The following DMAP1 variants were observed in gnomAD, a reference collection of about 807,000 sequenced individuals.
DMAP1 encodes DNA methyltransferase 1 associated protein 1.
DMAP1 carries 26 observed loss-of-function variants against 52.7 expected under a neutral mutation model. The observed-to-expected ratio is 0.49, with a 90% confidence interval of 0.36 to 0.68. DMAP1 has a LOEUF of 0.68. DMAP1 is among the 30% of genes least tolerant of loss of function. DMAP1 has a pLI of 0.00. For missense variants in DMAP1, 439 were observed against 625.2 expected, an observed-to-expected ratio of 0.70 and a Z score of 3.18; for synonymous variants, 231 against 246.0, an observed-to-expected ratio of 0.94 and a Z score of 0.57.
rs775360259 is a variant in DMAP1, at chr1:44,218,591, C to T, written c.556C>T (p.Arg186Cys). The part of the protein sequence containing the change: ...DRYDHQQFKK[R>C]SVEDLKERYY... ...TCTACCCTGTCTTGCTCCTCAGAAG[C>T]GTTCTGTGGAAGACCTGAAGGAGCG... Residue 186 changes from arginine to cysteine, a missense_variant, in exon 5 of 10, where the codon CGT becomes TGT. Physicochemically the swap from Arg to Cys is radical, Grantham distance 180. This residue lies in a region of DMAP1 where 142 missense variants were observed against 149.5 expected (regional missense o/e 0.95). Coordinates refer to ENST00000372289, the MANE Select transcript of DMAP1 (RefSeq NM_019100.5). The surrounding 1 kb of genome is among the most constrained non-coding windows in gnomAD (Gnocchi z 5.6). The T allele has an allele frequency of 6.8e-6, 11 of 1,609,828 alleles. No homozygotes were observed. The highest frequency in any genetic ancestry group is 2.2e-5 in the South Asian group (2 of 90,912).
At chr1:44,214,628 C>G (rs572511859) in intron 2 of DMAP1, 75 bp from the exon 3 acceptor site, 1 of 1,613,426 alleles carries the variant, frequency 6.2e-7, no homozygotes, top group Non-Finnish European at 8.5e-7. Context: ...TAGGGTAGAT[C>G]AGCTCCCTGG....
Position 44,213,975 on chromosome 1 carries a change from G to A in DMAP1, c.105+117G>A, listed in dbSNP as rs1483707714. The stretch of plus-strand genomic sequence containing the variant: ...TACAGTGAGTTGGGCGATAAAAGGG[G>A]TGACATAACAGGACAGGGAATATGT... On this transcript the variant is annotated intron_variant, in intron 1 of 9. Coordinates refer to ENST00000372289, the MANE Select transcript of DMAP1 (RefSeq NM_019100.5). The surrounding 1 kb of genome is among the most constrained non-coding windows in gnomAD (Gnocchi z 4.5). 4.3e-6 allele frequency: 4 copies of A among 924,024 alleles called. No homozygotes were observed. Among genetic ancestry groups the A allele is most frequent in the Admixed American group, 2.3e-5 (1 of 44,240 alleles). The allele number at this position is 924,024 out of a possible 1,614,324, so 57.2% of individuals were successfully genotyped here. A position where few individuals can be genotyped will look rare whatever the true frequency, so the allele number is the denominator to read the frequency against.
chr1:44,213,587 G>A lies in DMAP1; in HGVS notation c.-167G>A. ...GCCGTTAGGAACATCCAAGCGGTGGGGCACAGGCAGATCCCCGACCTGACC... is the reference window on the plus strand; with the variant it reads ...GCCGTTAGGAACATCCAAGCGGTGGAGCACAGGCAGATCCCCGACCTGACC... On this transcript the variant is annotated 5_prime_UTR_variant, in exon 1 of 10. Transcript: ENST00000372289. This position sits in a 1 kb window ranked among gnomAD's most constrained non-coding sequence, Gnocchi z 4.5. 4 of 603,524 alleles carry A rather than the reference G, an allele frequency of 6.6e-6. No homozygotes were observed. Among genetic ancestry groups the A allele is most frequent in the Middle Eastern group, 4.5e-4 (1 of 2,224 alleles). 37.4% of individuals were successfully genotyped at this position (603,524 alleles called of 1,614,324 possible). A position where few individuals can be genotyped will look rare whatever the true frequency, so the allele number is the denominator to read the frequency against.
Position 44,220,013 on chromosome 1 carries a change from G to A in DMAP1, c.1052-4G>A. The A allele has an allele frequency of 6.3e-7, 1 of 1,598,976 alleles. No individual in the cohort carries two copies. Among genetic ancestry groups the A allele is most frequent in the Admixed American group, 1.7e-5 (1 of 59,396 alleles). ...TGCCCGTGCTGCCTGCCGCCTGCCT[G>A]CAGAGCTGAGCCCGACACCTACGGA... On this transcript the variant is annotated splice_region_variant and splice_polypyrimidine_tract_variant and intron_variant, in intron 8 of 9. Transcript: ENST00000372289.
intron 3 of DMAP1, chr1:44,215,838 TCA>T (rs1643781801): frequency 6.3e-6 from 1 of 158,906 alleles, no homozygotes; most frequent in African/African-American, 2.4e-5. Context: ...ACTCACCCAT[TCA>T]GTGAGAGGCA....
Position 44,213,887 on chromosome 1 carries a change from AG to A in DMAP1, c.105+33del. 6.5e-7 allele frequency: 1 copy of A among 1,546,692 alleles called. No homozygotes were observed. Among genetic ancestry groups the A allele is most frequent in the Non-Finnish European group, 8.8e-7 (1 of 1,141,390 alleles). On this transcript the variant is annotated intron_variant, in intron 1 of 9. Transcript: ENST00000372289. This position sits in a 1 kb window ranked among gnomAD's most constrained non-coding sequence, Gnocchi z 4.5. ...GCAGGGGCACCTGAAAGCGTTGACTAGGGGAGGGTAGGGGAGTGAAGATGGG... is the reference window on the plus strand; with the variant it reads ...GCAGGGGCACCTGAAAGCGTTGACTAGGGAGGGTAGGGGAGTGAAGATGGG...
Position 44,214,456 on chromosome 1 carries a change from C to G in DMAP1, c.197+15C>G. On this transcript the variant is annotated intron_variant, in intron 2 of 9. Transcript: ENST00000372289. Reference sequence around the variant, plus strand: ...TCTGACAAGAAGCAAGTATTGGAGTCCCAAGTCCCCCAGGTTTTGGCCCCT... The same window carrying G: ...TCTGACAAGAAGCAAGTATTGGAGTGCCAAGTCCCCCAGGTTTTGGCCCCT... 1.2e-6 allele frequency: 2 copies of G among 1,613,916 alleles called. No homozygotes were observed. Among genetic ancestry groups the G allele is most frequent in the Non-Finnish European group, 1.7e-6 (2 of 1,179,890 alleles).
At chr1:44,216,335 T>G (rs1643792798) in intron 3 of DMAP1, 1 of 151,946 alleles carries the variant, frequency 6.6e-6, no homozygotes, top group South Asian at 2.1e-4. Context: ...GCTCAAGCGA[T>G]CCTCCCACCT....
At chr1:44,214,606 C>T (rs1159786148) in intron 2 of DMAP1, 97 bp from the exon 3 acceptor site, 5 of 1,613,116 alleles carry the variant, frequency 3.1e-6, no homozygotes, top group Non-Finnish European at 4.2e-6. Flanking sequence ...ACATGACTTT[C>T]TTGCTATAGG....
Position 44,220,053 on chromosome 1 carries a change from T to C in DMAP1, c.1088T>C (p.Met363Thr), listed in dbSNP as rs116305257. ...ACACCTACGGAGGAGCTGGTGCACA[T>C]GTTCAATGAGCTGCGAAGCGACCTG... ...SPTPTEELVH[M>T]FNELRSDLVL... Residue 363 changes from methionine (M) to threonine (T), a missense_variant, in exon 9 of 10, where the codon ATG becomes ACG. Transcript: ENST00000372289. 2.4e-4 allele frequency: 391 copies of C among 1,604,356 alleles called. 2 individuals are homozygous for C. The African/African-American group carries it at 4.8e-3, about 20-fold the overall frequency.
At position 44,213,752 on chromosome 1, in the gene DMAP1, C is replaced by G. The variant is rs776941173; in HGVS notation, c.-2C>G. 23 of 1,573,808 alleles carry G rather than the reference C, an allele frequency of 1.5e-5. No homozygotes were observed. The highest frequency in any genetic ancestry group is 8.2e-5 in the South Asian group (7 of 85,394). On this transcript the variant is annotated 5_prime_UTR_variant, in exon 1 of 10. Coordinates refer to ENST00000372289, the MANE Select transcript of DMAP1 (RefSeq NM_019100.5). The surrounding 1 kb of genome is among the most constrained non-coding windows in gnomAD (Gnocchi z 4.5). Reference sequence around the variant, plus strand: ...CGGTGGCTCCCCCATCTCTCAGGCGCGATGGCTACGGGCGCGGATGTACGG... The same window carrying G: ...CGGTGGCTCCCCCATCTCTCAGGCGGGATGGCTACGGGCGCGGATGTACGG...
At position 44,220,550 on chromosome 1, in the gene DMAP1, T is replaced by C. The variant is rs746882645; in HGVS notation, c.1345-9T>C. ...GTCACTGACCTCAATGCCTTCTGTG[T>C]ATCCTCAGAGAAAGCGACGGGAGTC... is the stretch of plus-strand genomic sequence containing the variant. On this transcript the variant is annotated splice_polypyrimidine_tract_variant and intron_variant, in intron 9 of 9. Transcript: ENST00000372289. 1.9e-6 allele frequency: 3 copies of C among 1,614,110 alleles called. No homozygotes were observed. Among genetic ancestry groups the C allele is most frequent in the African/African-American group, 2.7e-5 (2 of 74,948 alleles).
At chr1:44,219,575 G>T in intron 7 of DMAP1, 98 bp downstream of exon 7, 1 of 1,306,408 alleles carries the variant, frequency 7.7e-7, no homozygotes, top group Non-Finnish European at 1.0e-6. Flanking sequence ...GGAGCAGTAG[G>T]AGAGATTGCT....
Position 44,213,987 on chromosome 1 carries a change from G to T in DMAP1, c.105+129G>T. 1.2e-6 allele frequency: 1 copy of T among 845,690 alleles called. No homozygotes were observed. Among genetic ancestry groups the T allele is most frequent in the Middle Eastern group, 2.3e-4 (1 of 4,444 alleles). 52.4% of individuals were successfully genotyped at this position (845,690 alleles called of 1,614,324 possible). Reference sequence around the variant, plus strand: ...GGCGATAAAAGGGGTGACATAACAGGACAGGGAATATGTGTCATCCTTGAT... The same window carrying T: ...GGCGATAAAAGGGGTGACATAACAGTACAGGGAATATGTGTCATCCTTGAT... On this transcript the variant is annotated intron_variant, in intron 1 of 9. Coordinates refer to ENST00000372289, the MANE Select transcript of DMAP1 (RefSeq NM_019100.5). This position sits in a 1 kb window ranked among gnomAD's most constrained non-coding sequence, Gnocchi z 4.5.
At position 44,219,082 on chromosome 1, in the gene DMAP1, G is replaced by C; in HGVS notation, c.747G>C (p.Gln249His). ...EQVAEEEYLL[Q>H]ELRKIEARKK... ...TGGCAGAGGAGGAGTACCTGCTACA[G>C]GAGCTGCGCAAGATTGAGGCCCGGA... is the stretch of plus-strand genomic sequence containing the variant. Residue 249 changes from glutamine to histidine, a missense_variant, in exon 6 of 10, where the codon CAG becomes CAC. Around this residue, in one of 3 missense-constraint regions of DMAP1, gnomAD observed 142 missense variants for 149.5 expected, o/e 0.95. Transcript: ENST00000372289. The C allele has an allele frequency of 6.2e-7, 1 of 1,614,156 alleles. No homozygotes were observed. The highest frequency in any genetic ancestry group is 8.5e-7 in the Non-Finnish European group (1 of 1,180,030).
Position 44,213,753 on chromosome 1 carries a change from G to T in DMAP1, c.-1G>T. The stretch of plus-strand genomic sequence containing the variant: ...GGTGGCTCCCCCATCTCTCAGGCGC[G>T]ATGGCTACGGGCGCGGATGTACGGG... On this transcript the variant is annotated 5_prime_UTR_variant, in exon 1 of 10. Coordinates refer to ENST00000372289, the MANE Select transcript of DMAP1 (RefSeq NM_019100.5). The surrounding 1 kb of genome is among the most constrained non-coding windows in gnomAD (Gnocchi z 4.5). 4 of 1,575,348 alleles carry T rather than the reference G, an allele frequency of 2.5e-6. No individual in the cohort carries two copies. Among genetic ancestry groups the T allele is most frequent in the Non-Finnish European group, 3.4e-6 (4 of 1,160,956 alleles).
chr1:44,220,300 G>A lies in DMAP1; in HGVS notation c.1335G>A (p.Thr445=), dbSNP rs529973242. ...TTGATGTGGTGGGCGCACCCCTCAC[G>A]CCCAATTCGGTAAGAGTCTGGACAG... ...TIIDVVGAPL[T]PNSRKRRESA... is the part of the protein sequence containing the mutation. Residue 445 remains threonine (T), a synonymous_variant, in exon 9 of 10, where the codon ACG becomes ACA. Transcript: ENST00000372289. The A allele has an allele frequency of 2.2e-5, 34 of 1,543,654 alleles. No homozygotes were observed. In the East Asian group the frequency reaches 3.6e-4, roughly 17 times the overall value.
Position 44,218,802 on chromosome 1 carries a change from C to A in DMAP1, c.720+47C>A. The A allele has an allele frequency of 6.4e-7, 1 of 1,555,102 alleles. No individual in the cohort carries two copies. Among genetic ancestry groups the A allele is most frequent in the Non-Finnish European group, 8.7e-7 (1 of 1,147,088 alleles). Reference sequence around the variant, plus strand: ...TGTCCTCCATGCCCCAAACCCCTTGCTCATTGTCTCCATCCTCCATCCCCT... The same window carrying A: ...TGTCCTCCATGCCCCAAACCCCTTGATCATTGTCTCCATCCTCCATCCCCT... On this transcript the variant is annotated intron_variant, in intron 5 of 9. Coordinates refer to ENST00000372289, the MANE Select transcript of DMAP1 (RefSeq NM_019100.5). The surrounding 1 kb of genome is among the most constrained non-coding windows in gnomAD (Gnocchi z 5.6).
chr1:44,219,760 G>A, intron 7 of DMAP1, 46 bp from the exon 8 acceptor site: 1 of 1,609,506 alleles, frequency 6.2e-7, no homozygotes, highest in Non-Finnish European at 8.5e-7. Flanking sequence ...TTCATCCTAA[G>A]CCTCTTGTGG....
Sources: gnomAD v4.1 joint callset for allele counts on GRCh38, gnomAD v4.1.1 for gene constraint, gnomAD v4.1.1 regional missense constraint, Gnocchi (gnomAD v3.1) non-coding constraint, MANE v1.5 for transcripts, NCBI Gene and HGNC (gene_info 2026-07-23, HGNC 2026-07-21) for gene names.